KLHL1: variants seen among roughly 807,000 people sequenced by gnomAD.
KLHL1 encodes the protein kelch-like protein 1.
Under a neutral mutation model 77.7 loss-of-function variants are expected in KLHL1, and 47 were observed. The observed-to-expected ratio is 0.60, with a 90% CI of 0.48 to 0.77. The LOEUF is 0.77. KLHL1 is among the 30% of genes least tolerant of loss of function. The probability of loss-of-function intolerance (pLI) is 0.00; values close to 1 mark genes in which losing one functional copy is unlikely to be tolerated. For synonymous variants in KLHL1, 360 were observed against 325.2 expected, an observed-to-expected ratio of 1.11 and a Z score of -1.15; for missense variants, 925 against 910.8, an observed-to-expected ratio of 1.02 and a Z score of -0.20.
intron 1 of KLHL1, among the ~76,000 whole-genome samples, chr13:70,026,250 A>T (rs1363678037): frequency 6.6e-6 from 1 of 152,148 alleles, no homozygotes; most frequent in Non-Finnish European, 1.5e-5. Context: ...TATAAAAGGT[A>T]TATTTATAAC....
intron 5 of KLHL1, among the ~76,000 whole-genome samples, chr13:69,855,858 T>C (rs1239226234): frequency 1.6e-5 from 2 of 124,742 alleles, no homozygotes; most frequent in Non-Finnish European, 3.3e-5. Flanking sequence ...ATATGTTATA[T>C]AATATATTAT....
chr13:69,987,850 A>T lies in KLHL1; in HGVS notation c.498-12048T>A, dbSNP rs116564014. On this transcript the variant is annotated intron_variant, in intron 1 of 10. Coordinates refer to ENST00000377844, the MANE Select transcript of KLHL1 (RefSeq NM_020866.3). ...TCCTTAGTACAAAAGTTTCAGAATAATGGAACTAAAATAACAATTACTATG... is the reference window on the plus strand; with the variant it reads ...TCCTTAGTACAAAAGTTTCAGAATATTGGAACTAAAATAACAATTACTATG... Among the ~76,000 whole-genome samples the T allele has an allele frequency of 6.3e-3, 964 of 152,216 alleles. 9 individuals are homozygous for T. The highest frequency in any genetic ancestry group is 0.022 in the African/African-American group (904 of 41,542).
intron 7 of KLHL1, among the ~76,000 whole-genome samples, chr13:69,777,167 C>T (rs377519503): frequency 1.2e-4 from 19 of 152,072 alleles, no homozygotes; most frequent in Non-Finnish European, 1.9e-4. Context: ...TCATGTAAGA[C>T]GTGCCTTTGC....
chr13:70,023,494 G>C (rs1199526648), intron 1 of KLHL1, among the ~76,000 whole-genome samples: 1 of 151,718 alleles, frequency 6.6e-6, no homozygotes, highest in African/African-American at 2.4e-5. Context: ...CATCATTTAA[G>C]TTCATACTCA....
chr13:70,001,590 T>TCTAC (rs1327849882), intron 1 of KLHL1, among the ~76,000 whole-genome samples: 3 of 150,298 alleles, frequency 2.0e-5, no homozygotes, highest in Non-Finnish European at 4.5e-5. Context: ...TGTCTATCTA[T>TCTAC]CTATCTATCT....
chr13:69,815,335 A>G (rs1276877433), intron 6 of KLHL1, among the ~76,000 whole-genome samples: 2 of 152,248 alleles, frequency 1.3e-5, no homozygotes, highest in Non-Finnish European at 2.9e-5. Context: ...TGAATAAAGA[A>G]AATGTGGTAC....
chr13:69,726,393 G>T (rs1873297563), intron 8 of KLHL1, among the ~76,000 whole-genome samples: 1 of 152,072 alleles, frequency 6.6e-6, no homozygotes, highest in Admixed American at 6.6e-5. Context: ...TGTCAATCCT[G>T]CTGTCAGATT....
At chr13:69,851,190 G>A (rs1350296047) in intron 5 of KLHL1, among the ~76,000 whole-genome samples, 1 of 103,318 alleles carries the variant, frequency 9.7e-6, no homozygotes, top group Admixed American at 1.2e-4. Context: ...AATTCAAAGA[G>A]TATATTTTTA....
At chr13:70,037,923 T>C (rs1886279628) in intron 1 of KLHL1, among the ~76,000 whole-genome samples, 1 of 152,210 alleles carries the variant, frequency 6.6e-6, no homozygotes, top group South Asian at 2.1e-4. Context: ...GACTTTTTTA[T>C]ATACATTTTA....
chr13:69,721,063 A>C (rs866598553), intron 8 of KLHL1, among the ~76,000 whole-genome samples: 1 of 49,728 alleles, frequency 2.0e-5, no homozygotes, highest in Middle Eastern at 7.6e-3. Context: ...AGCTACTAAG[A>C]TATATATATA....
chr13:69,916,596 G>C (rs530814704), intron 4 of KLHL1, among the ~76,000 whole-genome samples: 19 of 152,062 alleles, frequency 1.2e-4, no homozygotes, highest in South Asian at 4.2e-4. Context: ...GTTGTGGAGT[G>C]GGGGGAAGGG....
chr13:69,945,054 T>C (rs112343530), intron 3 of KLHL1, among the ~76,000 whole-genome samples: 19,691 of 147,854 alleles, frequency 0.13, 2,222 homozygotes, highest in African/African-American at 0.29. Flanking sequence ...GGCGCCATCT[T>C]GGATCACTGC....
chr13:70,011,339 C>CAAAAT (rs988376786), intron 1 of KLHL1, among the ~76,000 whole-genome samples: 1 of 151,932 alleles, frequency 6.6e-6, no homozygotes, highest in Non-Finnish European at 1.5e-5. Flanking sequence ...ATAAATTATA[C>CAAAAT]AAAATAAAAT....
chr13:69,794,458 C>T (rs963461225), intron 7 of KLHL1, among the ~76,000 whole-genome samples: 2 of 149,636 alleles, frequency 1.3e-5, no homozygotes, highest in African/African-American at 2.5e-5. Flanking sequence ...AGAAACAGAG[C>T]ATCTTAAAGG....
In KLHL1 at chr13:70,072,590, C is replaced by T. The variant is rs181195687; in HGVS notation, c.497+34613G>A. Among the ~76,000 whole-genome samples the T allele has an allele frequency of 4.1e-4, 63 of 152,062 alleles. 1 individual carries two copies. Among genetic ancestry groups the T allele is most frequent in the Middle Eastern group, 3.4e-3 (1 of 294 alleles). ...AAAAATGTATAACAATAATTATACA[C>T]CTGTGGCCAGGTAGAACCTATCCCA... On this transcript the variant is annotated intron_variant, in intron 1 of 10. Coordinates refer to ENST00000377844, the MANE Select transcript of KLHL1 (RefSeq NM_020866.3).
chr13:70,058,226 A>G (rs1459640496), intron 1 of KLHL1, among the ~76,000 whole-genome samples: 1 of 152,218 alleles, frequency 6.6e-6, no homozygotes, highest in Non-Finnish European at 1.5e-5. Flanking sequence ...ATCGTATTAG[A>G]AGTGCTCTCT....
At chr13:70,065,993 G>T (rs966286841) in intron 1 of KLHL1, among the ~76,000 whole-genome samples, 2 of 152,122 alleles carry the variant, frequency 1.3e-5, no homozygotes, top group Non-Finnish European at 2.9e-5. Flanking sequence ...GGAAATTAAG[G>T]CATTAACTAA....
intron 2 of KLHL1, 101 bp downstream of exon 2, chr13:69,975,519 A>G: frequency 1.3e-5 from 12 of 952,788 alleles, no homozygotes; most frequent in East Asian, 2.9e-5. Context: ...AAAAATGTGA[A>G]TCCTTATTTC....
chr13:69,969,678 C>G (rs1884321602), intron 2 of KLHL1, among the ~76,000 whole-genome samples: 1 of 151,644 alleles, frequency 6.6e-6, no homozygotes, highest in Non-Finnish European at 1.5e-5. Context: ...CTATAACATA[C>G]TAAATACTGC....
Sources: gnomAD v4.1 joint callset for allele counts (sites outside exome capture counted in the v4.1 genomes callset) on GRCh38, gnomAD v4.1.1 for gene constraint, MANE v1.5 for transcripts, NCBI Gene and HGNC (gene_info 2026-07-23, HGNC 2026-07-21) for gene names.